The following OSBP2 variants were observed in gnomAD, a reference collection of about 807,000 sequenced individuals.
OSBP2 encodes oxysterol binding protein 2, also known as oxysterol-binding protein 2.
OSBP2 carries 66 observed loss-of-function variants against 96.0 expected under a neutral mutation model. The ratio of observed to expected loss-of-function variants is 0.69; its 90% CI spans 0.56 to 0.84. The LOEUF is 0.84. Among genes scored for constraint, OSBP2 ranks in the 40% least tolerant of loss-of-function variants. OSBP2 has a pLI of 0.00. For missense variants in OSBP2, 1,038 were observed against 1,222.7 expected, an observed-to-expected ratio of 0.85 and a Z score of 2.25; for synonymous variants, 525 against 520.9, an observed-to-expected ratio of 1.01 and a Z score of -0.11.
At position 30,809,316 on chromosome 22, in the gene OSBP2, A is replaced by G. The variant is rs577403169; in HGVS notation, c.854-61113A>G. Among the ~76,000 whole-genome samples, 14 of 152,328 alleles carry G rather than the reference A, an allele frequency of 9.2e-5. No homozygotes were observed. In the South Asian group the frequency reaches 1.5e-3, roughly 16 times the overall value. On this transcript the variant is annotated intron_variant, in intron 2 of 13. Coordinates refer to ENST00000332585, the MANE Select transcript of OSBP2 (RefSeq NM_030758.4). ...ATTTTTCAGGGAGACAGACTCTCCA[A>G]TGGAGCCTTATGAGTCAGTGTGGTG...
At position 30,907,504 on chromosome 22, in the gene OSBP2, G is replaced by T. The variant is rs925466850; in HGVS notation, c.*1165G>T. ...GGCTTCTGCCAACCATGGGGGGCTG[G>T]ACCACCATGGCCACTGACCCAGCCC... On this transcript the variant is annotated 3_prime_UTR_variant, in exon 14 of 14. Transcript: ENST00000332585. 6.6e-6 allele frequency: 1 copy of T among 152,214 alleles called. No homozygotes were observed. Among genetic ancestry groups the T allele is most frequent in the African/African-American group, 2.4e-5 (1 of 41,376 alleles). 9.4% of individuals were successfully genotyped at this position (152,214 alleles called of 1,614,324 possible).
chr22:30,719,618 G>C (rs1384558362), intron 1 of OSBP2, among the ~76,000 whole-genome samples: 1 of 151,748 alleles, frequency 6.6e-6, no homozygotes, highest in Non-Finnish European at 1.5e-5. Flanking sequence ...GCCGGGAGTG[G>C]TGGCGCACCC....
chr22:30,695,590 G>A, intron 1 of OSBP2, 37 bp downstream of exon 1: 1 of 1,573,996 alleles, frequency 6.4e-7, no homozygotes, highest in South Asian at 1.2e-5. Flanking sequence ...GGGGTTGGAG[G>A]GTGGTGATGC....
At chr22:30,887,841 A>G (rs890529780) in intron 4 of OSBP2, among the ~76,000 whole-genome samples, 1 of 152,182 alleles carries the variant, frequency 6.6e-6, no homozygotes, top group Non-Finnish European at 1.5e-5. Context: ...GTTAAATTTA[A>G]TGAGCCCAGC....
intron 3 of OSBP2, among the ~76,000 whole-genome samples, chr22:30,875,403 G>A (rs940773507): frequency 6.6e-5 from 10 of 150,940 alleles, no homozygotes; most frequent in East Asian, 2.0e-4. Flanking sequence ...ATGGAGTTTC[G>A]CTCTTGTTGC....
chr22:30,743,305 A>G (rs1313157828), intron 2 of OSBP2, among the ~76,000 whole-genome samples: 1 of 152,208 alleles, frequency 6.6e-6, no homozygotes, highest in South Asian at 2.1e-4. Flanking sequence ...CTCAGTGAGT[A>G]TTAAAGGGCA....
intron 2 of OSBP2, among the ~76,000 whole-genome samples, chr22:30,858,348 T>A (rs567721230): frequency 9.3e-5 from 14 of 150,242 alleles, no homozygotes; most frequent in Non-Finnish European, 1.5e-4. Flanking sequence ...GGGTTTCACC[T>A]TGTTAGCCAG....
intron 12 of OSBP2, chr22:30,902,299 A>G (rs1414122210): frequency 6.3e-7 from 1 of 1,591,330 alleles, no homozygotes; most frequent in Non-Finnish European, 8.6e-7. Context: ...ATCTCAGCAT[A>G]AGGAGTGTAC....
In OSBP2 at chr22:30,756,157, T is replaced by C. The variant is rs549279429; in HGVS notation, c.853+14788T>C. ...CCCTTCCAGATCTGACTCCTCCAGG[T>C]GGCAGTTGCGTTTTTCTTTTCCTTT... On this transcript the variant is annotated intron_variant, in intron 2 of 13. Transcript: ENST00000332585. Among the ~76,000 whole-genome samples the C allele has an allele frequency of 5.9e-5, 9 of 152,310 alleles. No homozygotes were observed. In the South Asian group the frequency reaches 1.2e-3, roughly 21 times the overall value.
Position 30,889,185 on chromosome 22 carries a change from C to T in OSBP2, c.1427C>T (p.Ala476Val). 1.2e-6 allele frequency: 2 copies of T among 1,613,452 alleles called. No homozygotes were observed. The highest frequency in any genetic ancestry group is 1.7e-6 in the Non-Finnish European group (2 of 1,179,812). ...ITEAKEDSRK[A>V]EGSTGTSSVD... The stretch of plus-strand genomic sequence containing the variant: ...CCGCTTTGTATTTCCAGCAGAAAAG[C>T]TGAAGGTAGCACCGGGACAAGTTCC... The change falls in exon 6 of 14, where the codon GCT (alanine) becomes GTT (valine). Residue 476 changes from alanine (A) to valine (V), a missense_variant. By Grantham distance (64) the Ala-to-Val change is moderately conservative. This residue lies in a region of OSBP2 where 737 missense variants were observed against 913.3 expected (regional missense o/e 0.81). Transcript: ENST00000332585.
chr22:30,764,279 G>A (rs540468991), intron 2 of OSBP2: 17 of 985,300 alleles, frequency 1.7e-5, no homozygotes, highest in Middle Eastern at 5.2e-4. Flanking sequence ...GCAGTAGAGT[G>A]GGGTGGGCGG....
At chr22:30,893,607 CTGG>C in intron 10 of OSBP2, 28 bp from the exon 11 acceptor site, 1 of 1,613,004 alleles carries the variant, frequency 6.2e-7, no homozygotes, top group Non-Finnish European at 8.5e-7. Context: ...GGCCCGGGGG[CTGG>C]CCGCTGACCA....
rs1360011818 is a variant in OSBP2 at position 30,710,982 on chromosome 22, C to T, written c.644+15429C>T. Among the ~76,000 whole-genome samples, 7 of 151,114 alleles carry T rather than the reference C, an allele frequency of 4.6e-5. No individual in the cohort carries two copies. In the South Asian group the frequency reaches 6.3e-4, roughly 14 times the overall value. The stretch of plus-strand genomic sequence containing the variant: ...TGGTCTCGAACTCCTTGACCTCAGG[C>T]GATCCGCCTGCCTCGGCCTCCCAAA... On this transcript the variant is annotated intron_variant, in intron 1 of 13. Coordinates refer to ENST00000332585, the MANE Select transcript of OSBP2 (RefSeq NM_030758.4).
chr22:30,896,064 G>A (rs1330098335), intron 12 of OSBP2, among the ~76,000 whole-genome samples: 3 of 151,794 alleles, frequency 2.0e-5, no homozygotes, highest in Non-Finnish European at 4.4e-5. Flanking sequence ...CTGTCGCCCA[G>A]GCTAGAGTGC....
At chr22:30,721,336 A>G (rs933436474) in intron 1 of OSBP2, among the ~76,000 whole-genome samples, 2 of 152,216 alleles carry the variant, frequency 1.3e-5, no homozygotes, top group African/African-American at 2.4e-5. Flanking sequence ...ACTGGGTGCT[A>G]TGGGGGCCCA....
At chr22:30,889,781 T>C (rs531767436) in intron 7 of OSBP2, 145 bp downstream of exon 7, 27 of 742,100 alleles carry the variant, frequency 3.6e-5, no homozygotes, top group Middle Eastern at 3.3e-4. Context: ...TAACTAATTA[T>C]CTAATCGTGC....
At chr22:30,800,700 C>A (rs764963542) in intron 2 of OSBP2, among the ~76,000 whole-genome samples, 1 of 152,118 alleles carries the variant, frequency 6.6e-6, no homozygotes, top group Non-Finnish European at 1.5e-5. Flanking sequence ...TAGTGTCTTC[C>A]GGCCTTTGTG....
chr22:30,781,271 C>A (rs2145808105), intron 2 of OSBP2, among the ~76,000 whole-genome samples: 1 of 152,034 alleles, frequency 6.6e-6, no homozygotes, highest in Non-Finnish European at 1.5e-5. Context: ...CATGAGCCAC[C>A]ACACCCGGCC....
chr22:30,901,322 G>A (rs2040189179), intron 12 of OSBP2, among the ~76,000 whole-genome samples: 1 of 152,058 alleles, frequency 6.6e-6, no homozygotes, highest in African/African-American at 2.4e-5. Flanking sequence ...GCCTGCCTCT[G>A]CCTCCCAAAG....
Sources: allele counts gnomAD v4.1 joint callset (sites outside exome capture counted in the v4.1 genomes callset), GRCh38; gene constraint gnomAD v4.1.1; regional missense constraint gnomAD v4.1.1; transcripts MANE v1.5; gene names NCBI Gene and HGNC (gene_info 2026-07-23, HGNC 2026-07-21).